Variants in INPP5A observed in about 807,000 individuals in gnomAD.
INPP5A encodes the protein 43 kDa inositol polyphosphate 5-phophatase.
A neutral mutation model predicts 65.2 loss-of-function variants in INPP5A; 14 were observed. The observed-to-expected ratio is 0.21, with a 90% CI of 0.14 to 0.34. The LOEUF is 0.34. Ranked by LOEUF, INPP5A falls within the 10% of genes least tolerant of loss-of-function variation. INPP5A has a pLI of 1.00. For missense variants in INPP5A, 431 were observed against 545.6 expected (o/e 0.79, Z 2.09); for synonymous variants, 207 against 208.3 (o/e 0.99, Z 0.05).
intron 4 of INPP5A, among the ~76,000 whole-genome samples, chr10:132,681,849 C>G (rs915619900): frequency 2.0e-5 from 3 of 152,168 alleles, no homozygotes; most frequent in Non-Finnish European, 4.4e-5. Context: ...TGGAATATGA[C>G]CCAACCGTAA....
At chr10:132,712,292 G>A (rs1322782263) in intron 8 of INPP5A, among the ~76,000 whole-genome samples, 1 of 152,204 alleles carries the variant, frequency 6.6e-6, no homozygotes, top group African/African-American at 2.4e-5. Context: ...GCACATGCAT[G>A]TGAGTGTATG....
intron 2 of INPP5A, among the ~76,000 whole-genome samples, chr10:132,641,552 G>T (rs2072427894): frequency 6.6e-6 from 1 of 152,206 alleles, no homozygotes; most frequent in African/African-American, 2.4e-5. Context: ...GCGATTTTCT[G>T]AGCCCAGTCT....
At chr10:132,613,653 A>G (rs1030421829) in intron 2 of INPP5A, among the ~76,000 whole-genome samples, 7 of 152,208 alleles carry the variant, frequency 4.6e-5, no homozygotes, top group Admixed American at 2.0e-4. Flanking sequence ...TTCAATGCCA[A>G]TCCCCACTCT....
At chr10:132,720,754 G>A (rs1845856905) in intron 8 of INPP5A, among the ~76,000 whole-genome samples, 2 of 147,542 alleles carry the variant, frequency 1.4e-5, no homozygotes, top group South Asian at 2.2e-4. Flanking sequence ...CGCCTTAGAC[G>A]GCTGTCTTGC....
chr10:132,568,939 G>T (rs1424135507), intron 1 of INPP5A, among the ~76,000 whole-genome samples: 1 of 134,026 alleles, frequency 7.5e-6, no homozygotes, highest in Non-Finnish European at 1.5e-5. Context: ...TTTTTGAGAC[G>T]GAATCTCGCT....
Position 132,756,558 on chromosome 10 carries a change from C to T in INPP5A, c.903+6713C>T, listed in dbSNP as rs535158050. Among the ~76,000 whole-genome samples the T allele has an allele frequency of 2.0e-3, 297 of 152,300 alleles. 4 individuals are homozygous for T. The highest frequency in any genetic ancestry group is 6.8e-3 in the Middle Eastern group (2 of 294). On this transcript the variant is annotated intron_variant, in intron 11 of 15. Coordinates refer to ENST00000368594, the MANE Select transcript of INPP5A (RefSeq NM_005539.5). ...TAACTGTTGTGACATCACAGCGTGG[C>T]GGCACTGGTGTGAAGGAGCCGCTGC...
chr10:132,595,202 T>C (rs2071669983), intron 1 of INPP5A, among the ~76,000 whole-genome samples: 2 of 152,234 alleles, frequency 1.3e-5, no homozygotes, highest in Non-Finnish European at 2.9e-5. Flanking sequence ...AGGGGCCAGC[T>C]GTGCCTTTGC....
intron 2 of INPP5A, among the ~76,000 whole-genome samples, chr10:132,617,512 A>C (rs1298480600): frequency 6.6e-6 from 1 of 152,146 alleles, no homozygotes; most frequent in Non-Finnish European, 1.5e-5. Context: ...CCACACCTGA[A>C]GGGTGTGGAG....
At chr10:132,712,642 G>A (rs1157121437) in intron 8 of INPP5A, among the ~76,000 whole-genome samples, 1 of 151,480 alleles carries the variant, frequency 6.6e-6, no homozygotes, top group Non-Finnish European at 1.5e-5. Flanking sequence ...ATGCATGTGT[G>A]GGTGCATGTG....
In INPP5A at chr10:132,575,392, G is replaced by A. The variant is rs1564921486; in HGVS notation, c.76-32523G>A. Among the ~76,000 whole-genome samples, 1 of 152,126 alleles carries A rather than the reference G, an allele frequency of 6.6e-6. No individual in the cohort carries two copies. ...GCTCCCAGCCCCCCGCAGCTCACAG[G>A]GTCAGGATGGGAGGGGAGTACAGGC... On this transcript the variant is annotated intron_variant, in intron 1 of 15. Transcript: ENST00000368594. The surrounding 1 kb of genome is among the most constrained non-coding windows in gnomAD (Gnocchi z 5.4).
rs572802990 is a variant in INPP5A at position 132,704,052 on chromosome 10, T to G, written c.475-4261T>G. ...GGCTTCACCCCCACACACACGCAGC[T>G]TCACCCGCATGGGTTCTGAAGGCTT... On this transcript the variant is annotated intron_variant, in intron 6 of 15. Coordinates refer to ENST00000368594, the MANE Select transcript of INPP5A (RefSeq NM_005539.5). This position sits in a 1 kb window ranked among gnomAD's most constrained non-coding sequence, Gnocchi z 4.5. Among the ~76,000 whole-genome samples the G allele has an allele frequency of 3.5e-4, 52 of 147,812 alleles. 2 individuals are homozygous for G. In the South Asian group the frequency reaches 0.01, roughly 28 times the overall value.
At chr10:132,768,909 A>G (rs890559926) in intron 12 of INPP5A, among the ~76,000 whole-genome samples, 6 of 152,200 alleles carry the variant, frequency 3.9e-5, no homozygotes, top group Admixed American at 3.3e-4. Flanking sequence ...TGAGCTCACC[A>G]CCTTGGAGTG....
intron 1 of INPP5A, among the ~76,000 whole-genome samples, chr10:132,544,190 C>A (rs1336572090): frequency 6.6e-6 from 1 of 152,252 alleles, no homozygotes; most frequent in African/African-American, 2.4e-5. Context: ...TAAGTGCCAT[C>A]TCTGTGTGGG....
At chr10:132,712,694 G>T (rs1353373032) in intron 8 of INPP5A, among the ~76,000 whole-genome samples, 1 of 151,252 alleles carries the variant, frequency 6.6e-6, no homozygotes, top group Non-Finnish European at 1.5e-5. Context: ...GTGGGTATAT[G>T]CATGTGTGGG....
intron 4 of INPP5A, among the ~76,000 whole-genome samples, chr10:132,683,389 A>G (rs1386178675): frequency 1.3e-5 from 2 of 151,874 alleles, no homozygotes; most frequent in African/African-American, 4.8e-5. Context: ...ATCTGCGTGT[A>G]CACATGTGTA....
chr10:132,580,318 A>G (rs1222528731), intron 1 of INPP5A, among the ~76,000 whole-genome samples: 3 of 152,072 alleles, frequency 2.0e-5, no homozygotes, highest in Admixed American at 2.0e-4. Context: ...AGTTCTTGTG[A>G]GATCTGGTTG....
At chr10:132,572,491 G>A (rs962229314) in intron 1 of INPP5A, among the ~76,000 whole-genome samples, 5 of 152,038 alleles carry the variant, frequency 3.3e-5, no homozygotes, top group Non-Finnish European at 7.4e-5. Context: ...GAGCACGCCC[G>A]CCCGGGGCTG....
rs1231379018 is a variant in INPP5A, at chr10:132,575,486, C to T, written c.76-32429C>T. Among the ~76,000 whole-genome samples the T allele has an allele frequency of 2.6e-5, 4 of 152,124 alleles. No individual in the cohort carries two copies. The highest frequency in any genetic ancestry group is 4.2e-4 in the South Asian group (2 of 4,818). On this transcript the variant is annotated intron_variant, in intron 1 of 15. Coordinates refer to ENST00000368594, the MANE Select transcript of INPP5A (RefSeq NM_005539.5). The surrounding 1 kb of genome is among the most constrained non-coding windows in gnomAD (Gnocchi z 5.4). ...TGGTTAAACATCATAAAATTAGTAA[C>T]CAAACCGATCTAACCACATTCACAA... is the stretch of plus-strand genomic sequence containing the variant.
At chr10:132,771,881 G>A (rs1260750465) in intron 12 of INPP5A, among the ~76,000 whole-genome samples, 1 of 98,782 alleles carries the variant, frequency 1.0e-5, no homozygotes, top group Non-Finnish European at 2.1e-5. Flanking sequence ...CGAAGAGTGG[G>A]ACAGACACTC....
Sources: gnomAD v4.1 joint callset for allele counts (sites outside exome capture counted in the v4.1 genomes callset) on GRCh38, gnomAD v4.1.1 for gene constraint, Gnocchi (gnomAD v3.1) non-coding constraint, MANE v1.5 for transcripts, NCBI Gene and HGNC (gene_info 2026-07-23, HGNC 2026-07-21) for gene names.